Variants in CDH23 observed in about 807,000 individuals in gnomAD.
CDH23 encodes the protein cadherin-23.
In CDH23, 189 loss-of-function variants were observed where a neutral mutation model predicts 317.1. That is an observed-to-expected ratio of 0.60 (90% confidence interval 0.53 to 0.67). CDH23 has a LOEUF of 0.67. CDH23 is among the 30% of genes least tolerant of loss of function. CDH23 has a pLI of 0.00. For synonymous variants in CDH23, 1,839 were observed against 1,876.8 expected (o/e 0.98, Z 0.52); for missense variants, 4,401 against 4,592.4 (o/e 0.96, Z 1.20).
chr10:71,470,663 A>T (rs946346451), intron 3 of CDH23, among the ~76,000 whole-genome samples: 1 of 151,570 alleles, frequency 6.6e-6, no homozygotes, highest in Non-Finnish European at 1.5e-5. Context: ...CTAATTTTTT[A>T]TGTTTTGTAG....
At chr10:71,686,929 G>A (rs562322287) in intron 18 of CDH23, among the ~76,000 whole-genome samples, 3 of 152,322 alleles carry the variant, frequency 2.0e-5, no homozygotes, top group South Asian at 2.1e-4. Context: ...TGGGGGGTGC[G>A]TAGCAGGAGG....
intron 3 of CDH23, among the ~76,000 whole-genome samples, chr10:71,495,257 G>A (rs1852896505): frequency 6.6e-6 from 1 of 152,212 alleles, no homozygotes; most frequent in Admixed American, 6.5e-5. Context: ...TGTGATCATT[G>A]TGGGTAATTA....
At chr10:71,810,335 C>T (rs1841878656) in intron 61 of CDH23, 137 bp from the exon 62 acceptor site, 1 of 895,842 alleles carries the variant, frequency 1.1e-6, no homozygotes, top group Admixed American at 2.1e-5. Context: ...GTGCCTGGTC[C>T]TCAGCAAACA....
At chr10:71,466,179 G>C (rs566040138) in intron 3 of CDH23, among the ~76,000 whole-genome samples, 1 of 152,212 alleles carries the variant, frequency 6.6e-6, no homozygotes, top group East Asian at 1.9e-4. Flanking sequence ...GTATGTGCCC[G>C]TCTGTGTGTG....
intron 3 of CDH23, among the ~76,000 whole-genome samples, chr10:71,460,486 C>T (rs373203101): frequency 9.8e-5 from 15 of 152,390 alleles, no homozygotes; most frequent in Middle Eastern, 3.4e-3. Context: ...GATGAATATG[C>T]TGGCGTCCGA....
At chr10:71,791,459 G>C in intron 47 of CDH23, 124 bp downstream of exon 47, 1 of 776,476 alleles carries the variant, frequency 1.3e-6, no homozygotes, top group Non-Finnish European at 2.1e-6. Flanking sequence ...AGCAGGGTGA[G>C]TGTAGAACAC....
chr10:71,432,812 CCACG>C (rs1849459063), intron 1 of CDH23, among the ~76,000 whole-genome samples: 1 of 152,122 alleles, frequency 6.6e-6, no homozygotes, highest in Non-Finnish European at 1.5e-5. Context: ...GAGCTGGGAC[CCACG>C]GCCCAGGATA....
rs1853875071 is a variant in CDH23, at chr10:71,510,125, C to G, written c.189C>G (p.Asp63Glu). 5.6e-6 allele frequency: 9 copies of G among 1,613,994 alleles called. No individual in the cohort carries two copies. Among genetic ancestry groups the G allele is most frequent in the Non-Finnish European group, 7.6e-6 (9 of 1,179,858 alleles). The stretch of plus-strand genomic sequence containing the variant: ...TGCTGGCCCAAGACATGGACAATGA[C>G]CCCCTGGTGTTTGGCGTGTCTGGGG... ...TQLLAQDMDN[D>E]PLVFGVSGEE... Residue 63 changes from aspartate (D) to glutamate (E), a missense_variant, in exon 4 of 70, where the codon GAC becomes GAG. By Grantham distance (45) the Asp-to-Glu change is conservative. Transcript: ENST00000224721.
At chr10:71,659,648 C>A (rs767937825) in intron 14 of CDH23, among the ~76,000 whole-genome samples, 11 of 152,238 alleles carry the variant, frequency 7.2e-5, no homozygotes, top group Non-Finnish European at 1.5e-4. Flanking sequence ...TTCCTGAACA[C>A]ATGTAATAAT....
In CDH23 at chr10:71,808,026, T is replaced by A. The variant is rs769087792; in HGVS notation, c.8722+19T>A. On this transcript the variant is annotated intron_variant, in intron 60 of 69. Coordinates refer to ENST00000224721, the MANE Select transcript of CDH23 (RefSeq NM_022124.6). ...ACCATGGGTAGGGCCTGGCAGCACATGAGTGGCCTCTAGCCATGACCTCTC... is the reference window on the plus strand; with the variant it reads ...ACCATGGGTAGGGCCTGGCAGCACAAGAGTGGCCTCTAGCCATGACCTCTC... 5 of 1,569,226 alleles carry A rather than the reference T, an allele frequency of 3.2e-6. No individual in the cohort carries two copies. The East Asian group carries it at 1.2e-4, about 37-fold the overall frequency.
chr10:71,485,643 G>A (rs971157652), intron 3 of CDH23, among the ~76,000 whole-genome samples: 1 of 152,234 alleles, frequency 6.6e-6, no homozygotes, highest in Non-Finnish European at 1.5e-5. Context: ...TTCATGCCCC[G>A]AGGCAGGAGA....
chr10:71,489,551 G>A (rs1852530983), intron 3 of CDH23, among the ~76,000 whole-genome samples: 1 of 151,192 alleles, frequency 6.6e-6, no homozygotes, highest in African/African-American at 2.4e-5. Flanking sequence ...GCCTGATTAT[G>A]CCATCTATTT....
rs1438644997 is a variant in CDH23 at position 71,812,522 on chromosome 10, G to A, written c.9423G>A (p.Glu3141=). 3 of 1,613,570 alleles carry A rather than the reference G, an allele frequency of 1.9e-6. No individual in the cohort carries two copies. The African/African-American group carries it at 4.0e-5, about 22-fold the overall frequency. ...VWLDPFCRNL[E]LAAQAEHEDD... ...TGGATCCCTTCTGTCGGAACCTGGA[G>A]CTGGCCGCCCAGGCGGAGCATGAGG... Residue 3141 remains glutamate, a synonymous_variant, in exon 67 of 70, where the codon GAG becomes GAA. Transcript: ENST00000224721.
At chr10:71,580,078 G>GGC (rs1858517425) in intron 9 of CDH23, among the ~76,000 whole-genome samples, 1 of 152,220 alleles carries the variant, frequency 6.6e-6, no homozygotes, top group African/African-American at 2.4e-5. Flanking sequence ...CATCCTCCAG[G>GGC]GCGCTGGCCC....
intron 62 of CDH23, 123 bp from the exon 63 acceptor site, chr10:71,811,192 G>A (rs1021152742): frequency 1.4e-6 from 2 of 1,415,728 alleles, no homozygotes; most frequent in South Asian, 1.2e-5. Context: ...CCCAGCCGGT[G>A]GACCTCAATC....
At chr10:71,522,650 G>T (rs1854765794) in intron 6 of CDH23, among the ~76,000 whole-genome samples, 1 of 152,162 alleles carries the variant, frequency 6.6e-6, no homozygotes, top group Non-Finnish European at 1.5e-5. Flanking sequence ...GCACCAGGGG[G>T]AGCTAACCCC....
intron 47 of CDH23, among the ~76,000 whole-genome samples, chr10:71,792,053 T>C (rs1411915846): frequency 6.6e-6 from 1 of 152,180 alleles, no homozygotes; most frequent in East Asian, 1.9e-4. Flanking sequence ...TTTTATAACA[T>C]ATTATAAAGC....
chr10:71,428,979 C>T (rs1849243527), intron 1 of CDH23, among the ~76,000 whole-genome samples: 1 of 152,178 alleles, frequency 6.6e-6, no homozygotes, highest in African/African-American at 2.4e-5. Flanking sequence ...ATATTTTAGA[C>T]ATTAATCCCT....
At chr10:71,679,854 C>A (rs149809717) in intron 17 of CDH23, among the ~76,000 whole-genome samples, 44 of 152,274 alleles carry the variant, frequency 2.9e-4, no homozygotes, top group African/African-American at 1.0e-3. Flanking sequence ...ACTTTTTGGG[C>A]GGCCGTGTGG....
Sources: gnomAD v4.1 joint callset for allele counts (sites outside exome capture counted in the v4.1 genomes callset) on GRCh38, gnomAD v4.1.1 for gene constraint, MANE v1.5 for transcripts, NCBI Gene and HGNC (gene_info 2026-07-23, HGNC 2026-07-21) for gene names.